ABI2: variants seen among roughly 807,000 people sequenced by gnomAD.
The protein encoded by ABI2 is abl interactor 2.
ABI2 carries 25 observed loss-of-function variants against 59.2 expected under a neutral mutation model. The observed-to-expected ratio is 0.42, with a 90% CI of 0.31 to 0.59. ABI2 has a LOEUF of 0.59. Among genes scored for constraint, ABI2 ranks in the 20% least tolerant of loss-of-function variants. ABI2 has a pLI of 0.14. For synonymous variants in ABI2, 213 were observed against 235.5 expected (o/e 0.90, Z 0.87); for missense variants, 545 against 681.8 (o/e 0.80, Z 2.23).
chr2:203,370,773 A>G (rs984780478), intron 2 of ABI2, among the ~76,000 whole-genome samples: 1 of 152,202 alleles, frequency 6.6e-6, no homozygotes, highest in Non-Finnish European at 1.5e-5. Context: ...TGGAGGGTTC[A>G]GTCAGGTCAA....
chr2:203,382,611 CTTTA>C (rs1219013748), intron 4 of ABI2, among the ~76,000 whole-genome samples: 2 of 152,030 alleles, frequency 1.3e-5, no homozygotes, highest in African/African-American at 2.4e-5. Flanking sequence ...AATTAATGTA[CTTTA>C]TTTAACCCTC....
chr2:203,376,356 G>A (rs1277815214), intron 2 of ABI2, among the ~76,000 whole-genome samples: 1 of 152,152 alleles, frequency 6.6e-6, no homozygotes, highest in African/African-American at 2.4e-5. Context: ...AGCCCAAAAT[G>A]TCAATAGTGC....
chr2:203,372,182 C>T (rs963080986), intron 2 of ABI2, among the ~76,000 whole-genome samples: 10 of 151,812 alleles, frequency 6.6e-5, no homozygotes, highest in Non-Finnish European at 1.0e-4. Context: ...CATCTTGCAC[C>T]GCCCTTAATC....
chr2:203,369,961 G>C (rs1359101060), intron 2 of ABI2, among the ~76,000 whole-genome samples: 1 of 151,718 alleles, frequency 6.6e-6, no homozygotes, highest in East Asian at 1.9e-4. Context: ...TATTTAAAAA[G>C]TCAGTTGAAT....
chr2:203,391,607 G>A (rs1282181060), intron 5 of ABI2, among the ~76,000 whole-genome samples: 2 of 152,076 alleles, frequency 1.3e-5, no homozygotes, highest in Non-Finnish European at 2.9e-5. Context: ...GATCACTTGA[G>A]CCCAGGAGTT....
chr2:203,416,185 T>C (rs1312088087), intron 10 of ABI2, among the ~76,000 whole-genome samples: 1 of 152,228 alleles, frequency 6.6e-6, no homozygotes, highest in Non-Finnish European at 1.5e-5. Context: ...ATTTGTGAAA[T>C]ATGGTTTTCA....
At chr2:203,404,205 T>G (rs989041117) in intron 9 of ABI2, among the ~76,000 whole-genome samples, 1 of 152,214 alleles carries the variant, frequency 6.6e-6, no homozygotes, top group African/African-American at 2.4e-5. Context: ...TTTTATACAG[T>G]TACATCCTGG....
At chr2:203,395,226 C>G (rs1331514128) in intron 6 of ABI2, 2 of 573,848 alleles carry the variant, frequency 3.5e-6, no homozygotes, top group Non-Finnish European at 3.0e-6. Flanking sequence ...TAAAATTACT[C>G]AAATCTGTTT....
intron 11 of ABI2, among the ~76,000 whole-genome samples, chr2:203,419,643 C>T (rs1221923519): frequency 6.6e-6 from 1 of 151,876 alleles, no homozygotes; most frequent in Non-Finnish European, 1.5e-5. Context: ...TCCCAAAGTG[C>T]TGGGATTACA....
chr2:203,344,867 T>A (rs1366920592), intron 1 of ABI2, among the ~76,000 whole-genome samples: 2 of 152,142 alleles, frequency 1.3e-5, no homozygotes, highest in Non-Finnish European at 2.9e-5. Flanking sequence ...TGTGTCTTGC[T>A]AAAGGTTTGT....
chr2:203,329,841 A>G (rs890485141), intron 1 of ABI2, among the ~76,000 whole-genome samples: 3 of 151,894 alleles, frequency 2.0e-5, no homozygotes, highest in Admixed American at 6.6e-5. Context: ...GGTTTGAGCA[A>G]TTCTCATGCT....
intron 5 of ABI2, 126 bp from the exon 6 acceptor site, chr2:203,394,574 C>A: frequency 1.1e-6 from 1 of 889,930 alleles, no homozygotes. Flanking sequence ...AAATTGGTAG[C>A]TGGGTTATGT....
At chr2:203,341,393 A>G (rs985337102) in intron 1 of ABI2, among the ~76,000 whole-genome samples, 1 of 152,162 alleles carries the variant, frequency 6.6e-6, no homozygotes, top group Admixed American at 6.6e-5. Context: ...TCTAGTAAGC[A>G]TTAGAAAATG....
chr2:203,416,571 C>T (rs1247447834), intron 10 of ABI2, among the ~76,000 whole-genome samples: 1 of 152,188 alleles, frequency 6.6e-6, no homozygotes, highest in East Asian at 1.9e-4. Flanking sequence ...GCTGGGATTA[C>T]AGGCGCGAGC....
chr2:203,377,183 T>C (rs1355825175), intron 2 of ABI2, among the ~76,000 whole-genome samples: 2 of 152,098 alleles, frequency 1.3e-5, no homozygotes, highest in Non-Finnish European at 2.9e-5. Context: ...GGCATGGTGG[T>C]ACATGCCTGT....
intron 2 of ABI2, among the ~76,000 whole-genome samples, chr2:203,374,657 ACT>A (rs557974710): frequency 7.9e-4 from 121 of 152,282 alleles, no homozygotes; most frequent in African/African-American, 2.7e-3. Flanking sequence ...ACTGAAAATT[ACT>A]CTGTTAGTAA....
chr2:203,351,665 G>A, intron 1 of ABI2: 1 of 391,576 alleles, frequency 2.6e-6, no homozygotes, highest in Non-Finnish European at 4.9e-6. Context: ...TCTCTCAGTA[G>A]TCTGGGACTA....
chr2:203,359,290 GAA>G (rs1212391311), intron 1 of ABI2, among the ~76,000 whole-genome samples: 3 of 151,966 alleles, frequency 2.0e-5, no homozygotes, highest in African/African-American at 7.3e-5. Context: ...ATTTTCATAT[GAA>G]CTGAAGACTT....
Position 203,377,313 on chromosome 2 carries a change from CA to C in ABI2, c.286-2888del, listed in dbSNP as rs1212896011. ...TCTGTGACAGAGTGAGAACCTGTTG[CA>C]AAAAAATGTATATTTATAGTATGCA... is the stretch of plus-strand genomic sequence containing the variant. On this transcript the variant is annotated intron_variant, in intron 2 of 11. Coordinates refer to ENST00000261018, the MANE Select transcript of ABI2 (RefSeq NM_001375670.1). Among the ~76,000 whole-genome samples the C allele has an allele frequency of 3.3e-5, 5 of 151,858 alleles. No homozygotes were observed. The East Asian group carries it at 9.7e-4, about 29-fold the overall frequency.
Sources: gnomAD v4.1 joint callset for allele counts (sites outside exome capture counted in the v4.1 genomes callset) on GRCh38, gnomAD v4.1.1 for gene constraint, MANE v1.5 for transcripts, NCBI Gene and HGNC (gene_info 2026-07-23, HGNC 2026-07-21) for gene names.